Variants in RSPO2 observed in about 807,000 individuals in gnomAD.
The protein encoded by RSPO2 is R-spondin 2.
A neutral mutation model predicts 30.9 loss-of-function variants in RSPO2; 14 were observed. The observed-to-expected ratio is 0.45, with a 90% CI of 0.30 to 0.71. The LOEUF (loss-of-function observed/expected upper bound fraction) is 0.71. RSPO2 is among the 30% of genes least tolerant of loss of function. RSPO2 has a pLI of 0.08. For synonymous variants in RSPO2, 107 were observed against 96.4 expected (o/e 1.11, Z -0.64); for missense variants, 264 against 301.9 (o/e 0.87, Z 0.93).
intron 5 of RSPO2, among the ~76,000 whole-genome samples, chr8:107,929,067 C>G (rs564992688): frequency 9.2e-5 from 14 of 152,306 alleles, no homozygotes; most frequent in Non-Finnish European, 2.1e-4. Flanking sequence ...AATGCCACGG[C>G]TGCTGCCACA....
At chr8:108,010,734 A>G (rs970499288) in intron 2 of RSPO2, among the ~76,000 whole-genome samples, 7 of 152,122 alleles carry the variant, frequency 4.6e-5, no homozygotes, top group African/African-American at 1.4e-4. Context: ...TGAGGTCTCC[A>G]TCGCTTTCCC....
intron 2 of RSPO2, among the ~76,000 whole-genome samples, chr8:108,066,460 TA>T (rs1264878631): frequency 1.3e-4 from 19 of 150,460 alleles, no homozygotes; most frequent in South Asian, 8.5e-4. Flanking sequence ...CTTTTTTTTT[TA>T]ATGTCATTTT....
chr8:108,080,100 C>T (rs763316814), intron 2 of RSPO2, among the ~76,000 whole-genome samples: 4 of 152,190 alleles, frequency 2.6e-5, no homozygotes, highest in Admixed American at 6.5e-5. Flanking sequence ...GGACAATTCA[C>T]ACAACTTGAG....
In RSPO2 at chr8:107,989,232, G is replaced by A. The variant is rs765464784; in HGVS notation, c.107C>T (p.Ser36Leu). 1.9e-6 allele frequency: 3 copies of A among 1,562,322 alleles called. No individual in the cohort carries two copies. The highest frequency in any genetic ancestry group is 1.2e-5 in the South Asian group (1 of 80,970). Residue 36 changes from serine (S) to leucine (L), a missense_variant, in exon 3 of 6, where the codon TCA becomes TTA. Transcript: ENST00000276659. The stretch of plus-strand genomic sequence containing the variant: ...CAAACAACCCTTGCAAATGGGATTT[G>A]ATACATAACTAGCTGTAAAAGAAAA... ...WRRSKRASYV[S>L]NPICKGCLSC...
intron 5 of RSPO2, among the ~76,000 whole-genome samples, chr8:107,925,676 T>C (rs1408717757): frequency 6.6e-5 from 10 of 152,128 alleles, no homozygotes; most frequent in South Asian, 2.1e-4. Flanking sequence ...GTCCTTGCAA[T>C]AGTTTGCTGA....
intron 5 of RSPO2, among the ~76,000 whole-genome samples, chr8:107,933,793 T>C (rs2130352784): frequency 1.3e-5 from 2 of 152,276 alleles, no homozygotes; most frequent in Middle Eastern, 6.8e-3. Flanking sequence ...TTTCAATCCA[T>C]CTAAAAATTA....
At chr8:107,954,600 ATTTAT>A (rs1418443416) in intron 5 of RSPO2, among the ~76,000 whole-genome samples, 2 of 37,018 alleles carry the variant, frequency 5.4e-5, no homozygotes, top group South Asian at 3.0e-3. Flanking sequence ...TTATTTATTT[ATTTAT>A]TTTATTTATT....
intron 2 of RSPO2, among the ~76,000 whole-genome samples, chr8:107,998,765 G>A (rs1410560388): frequency 6.6e-6 from 1 of 151,962 alleles, no homozygotes; most frequent in East Asian, 1.9e-4. Context: ...TGTATTTATG[G>A]CCAGGCAATG....
intron 3 of RSPO2, among the ~76,000 whole-genome samples, chr8:107,962,781 T>G (rs147200642): frequency 0.018 from 2,713 of 151,286 alleles, 41 homozygotes; most frequent in Non-Finnish European, 0.026. Flanking sequence ...AACTAAAGGG[T>G]GAAGATGAAA....
chr8:107,929,379 C>T (rs1437532964), intron 5 of RSPO2, among the ~76,000 whole-genome samples: 2 of 152,174 alleles, frequency 1.3e-5, no homozygotes, highest in South Asian at 2.1e-4. Flanking sequence ...CCACAATTCT[C>T]GCAGTTGGGG....
chr8:108,006,917 T>C (rs1409504689), intron 2 of RSPO2, among the ~76,000 whole-genome samples: 1 of 152,196 alleles, frequency 6.6e-6, no homozygotes, highest in Non-Finnish European at 1.5e-5. Context: ...GGTGAACTGT[T>C]TGAAAGTAAA....
At chr8:108,081,105 CG>C (rs1000182048) in intron 2 of RSPO2, among the ~76,000 whole-genome samples, 1 of 151,886 alleles carries the variant, frequency 6.6e-6, no homozygotes, top group African/African-American at 2.4e-5. Flanking sequence ...AGTCAGAAAT[CG>C]GGGGAGAGGG....
intron 2 of RSPO2, among the ~76,000 whole-genome samples, chr8:108,012,805 C>G (rs1810751922): frequency 6.6e-6 from 1 of 152,172 alleles, no homozygotes; most frequent in African/African-American, 2.4e-5. Context: ...GAGCACACTA[C>G]ATAAATGAGA....
At chr8:107,914,978 A>C (rs1811935302) in intron 5 of RSPO2, among the ~76,000 whole-genome samples, 2 of 152,170 alleles carry the variant, frequency 1.3e-5, no homozygotes, top group Non-Finnish European at 2.9e-5. Context: ...TGTTTTAATG[A>C]CCATTGAATC....
intron 5 of RSPO2, among the ~76,000 whole-genome samples, chr8:107,907,587 C>G (rs1296998556): frequency 6.6e-6 from 1 of 152,096 alleles, no homozygotes; most frequent in Non-Finnish European, 1.5e-5. Flanking sequence ...CTACAGATAA[C>G]TTACAAGAGT....
At chr8:107,986,782 C>G (rs1814654268) in intron 3 of RSPO2, among the ~76,000 whole-genome samples, 1 of 152,180 alleles carries the variant, frequency 6.6e-6, no homozygotes, top group Admixed American at 6.5e-5. Flanking sequence ...CGCTAATAGT[C>G]TGGAATGAAA....
intron 5 of RSPO2, among the ~76,000 whole-genome samples, chr8:107,918,771 C>A (rs1220349086): frequency 6.6e-6 from 1 of 151,958 alleles, no homozygotes; most frequent in Non-Finnish European, 1.5e-5. Flanking sequence ...AGGCCAAGTA[C>A]AATAAGACTA....
intron 2 of RSPO2, among the ~76,000 whole-genome samples, chr8:108,023,587 G>A (rs1394943328): frequency 6.6e-6 from 1 of 152,210 alleles, no homozygotes; most frequent in African/African-American, 2.4e-5. Context: ...GGTAGTGAGA[G>A]TTGAACAGAA....
chr8:107,918,993 C>T (rs754690321), intron 5 of RSPO2, among the ~76,000 whole-genome samples: 4 of 152,076 alleles, frequency 2.6e-5, no homozygotes, highest in Non-Finnish European at 4.4e-5. Flanking sequence ...ACTTTTAAAA[C>T]TGGGAATTGC....
Sources: gnomAD v4.1 joint callset for allele counts (sites outside exome capture counted in the v4.1 genomes callset) on GRCh38, gnomAD v4.1.1 for gene constraint, MANE v1.5 for transcripts, NCBI Gene and HGNC (gene_info 2026-07-23, HGNC 2026-07-21) for gene names.